FGGY: variants seen among roughly 807,000 people sequenced by gnomAD.
FGGY encodes FGGY carbohydrate kinase domain containing.
FGGY carries 72 observed loss-of-function variants against 71.3 expected under a neutral mutation model. The ratio of observed to expected loss-of-function variants is 1.01; its 90% CI spans 0.84 to 1.23. FGGY has a LOEUF of 1.23. Among genes scored for constraint, FGGY ranks in the 50% most tolerant of loss-of-function variants. The pLI is 0.00. For missense variants in FGGY, 668 were observed against 682.3 expected, an observed-to-expected ratio of 0.98 and a Z score of 0.23; for synonymous variants, 251 against 250.3, an observed-to-expected ratio of 1.00 and a Z score of -0.02.
At chr1:59,367,867 C>T (rs983700535) in intron 4 of FGGY, among the ~76,000 whole-genome samples, 1 of 152,256 alleles carries the variant, frequency 6.6e-6, no homozygotes, top group East Asian at 1.9e-4. Flanking sequence ...GTAGCCTCCT[C>T]CCAACAAATG....
At chr1:59,335,300 A>G (rs1018441267) in intron 2 of FGGY, among the ~76,000 whole-genome samples, 1 of 152,202 alleles carries the variant, frequency 6.6e-6, no homozygotes, top group African/African-American at 2.4e-5. Context: ...AAATAGAATC[A>G]CATAGCGTGC....
At chr1:59,547,226 C>T (rs762737188) in intron 7 of FGGY, among the ~76,000 whole-genome samples, 5 of 152,084 alleles carry the variant, frequency 3.3e-5, no homozygotes, top group Non-Finnish European at 4.4e-5. Context: ...GCTGAGATTA[C>T]GGGCATAAGC....
At chr1:59,547,490 TC>T (rs2095544931) in intron 7 of FGGY, among the ~76,000 whole-genome samples, 1 of 151,840 alleles carries the variant, frequency 6.6e-6, no homozygotes, top group African/African-American at 2.4e-5. Flanking sequence ...TGTGATATAG[TC>T]CCACCCCGAG....
intron 7 of FGGY, among the ~76,000 whole-genome samples, chr1:59,540,660 G>T (rs559121763): frequency 6.6e-6 from 1 of 152,192 alleles, no homozygotes; most frequent in African/African-American, 2.4e-5. Flanking sequence ...GCTTTTTAAT[G>T]TAGGTTATAC....
chr1:59,326,014 C>T (rs2047375138), intron 2 of FGGY, among the ~76,000 whole-genome samples: 1 of 152,198 alleles, frequency 6.6e-6, no homozygotes, highest in South Asian at 2.1e-4. Context: ...TATGGAGCCA[C>T]AAATCTTAAT....
chr1:59,614,590 A>G (rs529751316), intron 9 of FGGY, among the ~76,000 whole-genome samples: 1 of 152,338 alleles, frequency 6.6e-6, no homozygotes, highest in Admixed American at 6.5e-5. Context: ...AACTGTCACA[A>G]GACAGGGATG....
At chr1:59,603,207 C>A (rs1259101192) in intron 8 of FGGY, among the ~76,000 whole-genome samples, 2 of 152,100 alleles carry the variant, frequency 1.3e-5, no homozygotes, top group Non-Finnish European at 2.9e-5. Context: ...TACTTGTTTT[C>A]TTAATTTTGC....
intron 11 of FGGY, among the ~76,000 whole-genome samples, chr1:59,659,440 T>C (rs1012851771): frequency 1.3e-5 from 2 of 152,106 alleles, no homozygotes; most frequent in Non-Finnish European, 2.9e-5. Flanking sequence ...AGTAAATGAA[T>C]GTTGGTGAAT....
chr1:59,512,217 A>G lies in FGGY; in HGVS notation c.671-94A>G, dbSNP rs1024688053. The G allele has an allele frequency of 4.5e-6, 6 of 1,322,134 alleles. No individual in the cohort carries two copies. The Admixed American group carries it at 1.6e-4, about 36-fold the overall frequency. 81.9% of individuals were successfully genotyped at this position (1,322,134 alleles called of 1,614,324 possible). ...TTATCTTTGCAAATGCAGAGGAGGGAGGAGAGAGCAAAGAGTTTCTCTTAA... is the reference window on the plus strand; with the variant it reads ...TTATCTTTGCAAATGCAGAGGAGGGGGGAGAGAGCAAAGAGTTTCTCTTAA... On this transcript the variant is annotated intron_variant, in intron 6 of 15. Coordinates refer to ENST00000303721, the MANE Select transcript of FGGY (RefSeq NM_018291.5).
At chr1:59,656,410 C>T (rs1248036443) in intron 11 of FGGY, among the ~76,000 whole-genome samples, 1 of 152,196 alleles carries the variant, frequency 6.6e-6, no homozygotes, top group Non-Finnish European at 1.5e-5. Flanking sequence ...CCTTCGAAGA[C>T]AGCTCCCCGA....
intron 1 of FGGY, among the ~76,000 whole-genome samples, chr1:59,315,358 C>A (rs973848857): frequency 6.6e-6 from 1 of 152,054 alleles, no homozygotes; most frequent in African/African-American, 2.4e-5. Context: ...CACTTAACTG[C>A]CAGTTCAGTT....
chr1:59,596,254 G>A (rs143566354), intron 8 of FGGY, among the ~76,000 whole-genome samples: 4 of 151,742 alleles, frequency 2.6e-5, no homozygotes, highest in African/African-American at 9.7e-5. Flanking sequence ...ATATGGAGAA[G>A]AGGGAAAAGA....
chr1:59,442,454 T>C (rs2070170711), intron 5 of FGGY, among the ~76,000 whole-genome samples: 1 of 152,150 alleles, frequency 6.6e-6, no homozygotes, highest in Non-Finnish European at 1.5e-5. Context: ...GTTTTTGTTT[T>C]CCATTTCTGT....
At chr1:59,731,791 C>A (rs921140242) in intron 14 of FGGY, among the ~76,000 whole-genome samples, 27 of 152,022 alleles carry the variant, frequency 1.8e-4, no homozygotes, top group Admixed American at 4.6e-4. Context: ...TATGATGATG[C>A]CTCTGAGTGT....
At chr1:59,653,065 G>A (rs1026941981) in intron 11 of FGGY, among the ~76,000 whole-genome samples, 6 of 152,202 alleles carry the variant, frequency 3.9e-5, no homozygotes, top group Admixed American at 6.5e-5. Flanking sequence ...TAGGCTGCTC[G>A]TGGGTCAGGG....
chr1:59,379,162 A>ACACACACACACACACACACACAC (rs2059056932), intron 5 of FGGY, among the ~76,000 whole-genome samples: 1 of 143,136 alleles, frequency 7.0e-6, no homozygotes, highest in South Asian at 2.2e-4. Context: ...GGAAAAAATA[A>ACACACACACACACACACACACAC]ACACACACAC....
At chr1:59,587,999 C>T (rs1338922010) in intron 8 of FGGY, among the ~76,000 whole-genome samples, 1 of 152,100 alleles carries the variant, frequency 6.6e-6, no homozygotes, top group Non-Finnish European at 1.5e-5. Flanking sequence ...CTATTCCAAG[C>T]TACAGAAGGA....
intron 14 of FGGY, among the ~76,000 whole-genome samples, chr1:59,701,688 G>A (rs1292846590): frequency 6.6e-6 from 1 of 152,126 alleles, no homozygotes; most frequent in African/African-American, 2.4e-5. Context: ...ATAAAGGCGA[G>A]TATATGTCTG....
At chr1:59,662,936 G>A (rs1322997022) in intron 12 of FGGY, among the ~76,000 whole-genome samples, 1 of 152,198 alleles carries the variant, frequency 6.6e-6, no homozygotes. Flanking sequence ...TTGTATAAAA[G>A]AGTCATAGAA....
Sources: allele counts gnomAD v4.1 joint callset (sites outside exome capture counted in the v4.1 genomes callset), GRCh38; gene constraint gnomAD v4.1.1; transcripts MANE v1.5; gene names NCBI Gene and HGNC (gene_info 2026-07-23, HGNC 2026-07-21).